ASTN1: variants seen among roughly 807,000 people sequenced by gnomAD.
The protein encoded by ASTN1 is astrotactin-1.
Under a neutral mutation model 140.7 loss-of-function variants are expected in ASTN1, and 41 were observed. The ratio of observed to expected loss-of-function variants is 0.29; its 90% CI spans 0.23 to 0.38. ASTN1 has a LOEUF of 0.38. Ranked by LOEUF, ASTN1 falls within the 10% of genes least tolerant of loss-of-function variation. The probability of loss-of-function intolerance (pLI) is 1.00; values close to 1 mark genes in which losing one functional copy is unlikely to be tolerated. For missense variants in ASTN1, 1,479 were observed against 1,678.8 expected (o/e 0.88, Z 2.08); for synonymous variants, 640 against 652.2 (o/e 0.98, Z 0.29).
At chr1:176,908,074 C>T (rs1257303385) in intron 16 of ASTN1, among the ~76,000 whole-genome samples, 3 of 152,064 alleles carry the variant, frequency 2.0e-5, no homozygotes, top group Non-Finnish European at 4.4e-5. Flanking sequence ...TACCTTGTTA[C>T]TTTGCCCTCT....
Position 177,038,704 on chromosome 1 carries a change from G to A in ASTN1, c.472-5855C>T, listed in dbSNP as rs936824226. The stretch of plus-strand genomic sequence containing the variant: ...ACTTACTGATACCTACTTTAGCAAG[G>A]CATTTTTTTTCAGTGGTCACTGTTA... On this transcript the variant is annotated intron_variant, in intron 2 of 22. Transcript: ENST00000361833. Among the ~76,000 whole-genome samples the A allele has an allele frequency of 3.9e-5, 6 of 152,156 alleles. No individual in the cohort carries two copies. In the East Asian group the frequency reaches 5.8e-4, roughly 15 times the overall value.
Position 176,861,473 on chromosome 1 carries a change from A to G in ASTN1, c.*2811T>C, listed in dbSNP as rs1325553947. On this transcript the variant is annotated 3_prime_UTR_variant, in exon 23 of 23. Transcript: ENST00000361833. The stretch of plus-strand genomic sequence containing the variant: ...ACTCAAGGTTGAATACCGGTCCAGT[A>G]CCATCACCCTTTCTAGCCAGGATGG... 3.0e-6 allele frequency: 3 copies of G among 985,740 alleles called. No individual in the cohort carries two copies. Among genetic ancestry groups the G allele is most frequent in the Non-Finnish European group, 3.6e-6 (3 of 829,960 alleles). The allele number at this position is 985,740 out of a possible 1,614,324, so 61.1% of individuals were successfully genotyped here.
intron 1 of ASTN1, among the ~76,000 whole-genome samples, chr1:177,072,992 C>T (rs1254356229): frequency 6.6e-6 from 1 of 152,044 alleles, no homozygotes; most frequent in Admixed American, 6.6e-5. Flanking sequence ...TGTGTAAGAG[C>T]ACGTCCCAAA....
rs114103981 is a variant in ASTN1, at chr1:177,124,015, C to A, written c.283+40379G>T. On this transcript the variant is annotated intron_variant, in intron 1 of 22. Coordinates refer to ENST00000361833, the MANE Select transcript of ASTN1 (RefSeq NM_004319.3). ...TTAATTCTGTTCTCTCTGATGGAGCCGTTTTTGAGGAAGACTTTCAGCCAC... is the reference window on the plus strand; with the variant it reads ...TTAATTCTGTTCTCTCTGATGGAGCAGTTTTTGAGGAAGACTTTCAGCCAC... Among the ~76,000 whole-genome samples, 559 of 152,254 alleles carry A rather than the reference C, an allele frequency of 3.7e-3. 4 individuals are homozygous for A. The highest frequency in any genetic ancestry group is 0.013 in the African/African-American group (530 of 41,554).
At position 177,029,494 on chromosome 1, in the gene ASTN1, A is replaced by G. The variant is rs769313503; in HGVS notation, c.1120+140T>C. ...TCTTTCTTCCTTAGGAGGAAACACC[A>G]GTTGTGGTCCAAAAATTCTTCTTGC... On this transcript the variant is annotated intron_variant, in intron 5 of 22. Coordinates refer to ENST00000361833, the MANE Select transcript of ASTN1 (RefSeq NM_004319.3). 16 of 851,738 alleles carry G rather than the reference A, an allele frequency of 1.9e-5. No homozygotes were observed. The East Asian group carries it at 3.5e-4, about 19-fold the overall frequency. 52.8% of individuals were successfully genotyped at this position (851,738 alleles called of 1,614,324 possible).
intron 1 of ASTN1, among the ~76,000 whole-genome samples, chr1:177,134,313 T>C (rs1420541550): frequency 2.6e-5 from 4 of 152,200 alleles, no homozygotes; most frequent in African/African-American, 9.6e-5. Context: ...CACCACTCAT[T>C]ATCTACTCCT....
intron 22 of ASTN1, among the ~76,000 whole-genome samples, chr1:176,867,445 T>TA (rs1668166742): frequency 1.3e-5 from 2 of 152,098 alleles, no homozygotes; most frequent in Non-Finnish European, 2.9e-5. Context: ...AAGATAAAGA[T>TA]AGAGTATGAA....
chr1:177,029,095 C>A (rs1046689813), intron 5 of ASTN1, among the ~76,000 whole-genome samples: 1 of 152,086 alleles, frequency 6.6e-6, no homozygotes, highest in African/African-American at 2.4e-5. Flanking sequence ...CTTAACCCTG[C>A]CAGGGGAAAG....
intron 8 of ASTN1, among the ~76,000 whole-genome samples, chr1:176,969,415 T>C (rs974005827): frequency 1.3e-5 from 2 of 152,152 alleles, no homozygotes; most frequent in Admixed American, 6.5e-5. Context: ...GCCTGACATA[T>C]TTTGAGTCAG....
intron 2 of ASTN1, among the ~76,000 whole-genome samples, chr1:177,055,745 T>A (rs765444756): frequency 4.6e-5 from 7 of 152,206 alleles, no homozygotes; most frequent in Non-Finnish European, 1.0e-4. Context: ...TGCTTAAAGA[T>A]GAGAAGGACT....
chr1:176,932,270 G>T (rs1401076400), intron 16 of ASTN1, among the ~76,000 whole-genome samples: 1 of 152,204 alleles, frequency 6.6e-6, no homozygotes, highest in Non-Finnish European at 1.5e-5. Context: ...GTCACAGAAG[G>T]TATAGCCCTT....
intron 10 of ASTN1, 127 bp downstream of exon 10, chr1:176,958,218 G>A (rs890609251): frequency 4.2e-6 from 6 of 1,426,212 alleles, no homozygotes; most frequent in Non-Finnish European, 5.7e-6. Context: ...GGGGGAATTT[G>A]CAGGCTGCCT....
chr1:177,057,723 GA>G (rs11326028), intron 2 of ASTN1, among the ~76,000 whole-genome samples: 20,555 of 152,052 alleles, frequency 0.14, 1,756 homozygotes, highest in African/African-American at 0.24. Context: ...TAGAGTTAAT[GA>G]AAAAATAGTC....
intron 16 of ASTN1, among the ~76,000 whole-genome samples, chr1:176,901,234 A>C (rs536223242): frequency 6.6e-6 from 1 of 152,346 alleles, no homozygotes; most frequent in South Asian, 2.1e-4. Flanking sequence ...GAAAGACTGC[A>C]AAAAGTTCAT....
intron 20 of ASTN1, 102 bp from the exon 21 acceptor site, chr1:176,876,739 A>G: frequency 9.1e-7 from 1 of 1,097,496 alleles, no homozygotes; most frequent in Non-Finnish European, 1.3e-6. Context: ...ATGGGTGGCT[A>G]TGGACCCAGA....
intron 4 of ASTN1, 57 bp from the exon 5 acceptor site, chr1:177,029,798 A>G: frequency 2.7e-6 from 4 of 1,489,458 alleles, no homozygotes; most frequent in Non-Finnish European, 2.7e-6. Flanking sequence ...TCATGACACC[A>G]AACCTTTGGG....
intron 16 of ASTN1, among the ~76,000 whole-genome samples, chr1:176,898,812 C>T (rs1669637799): frequency 6.6e-6 from 1 of 152,220 alleles, no homozygotes; most frequent in Non-Finnish European, 1.5e-5. Flanking sequence ...CTTCTACCCT[C>T]TAGAGTCTGA....
intron 21 of ASTN1, among the ~76,000 whole-genome samples, chr1:176,874,403 T>A (rs1417191000): frequency 1.3e-5 from 2 of 152,234 alleles, no homozygotes; most frequent in Non-Finnish European, 2.9e-5. Flanking sequence ...AGCCTTTTCT[T>A]CTTCACCAGT....
At chr1:177,095,835 T>C (rs963213015) in intron 1 of ASTN1, among the ~76,000 whole-genome samples, 1 of 152,102 alleles carries the variant, frequency 6.6e-6, no homozygotes. Context: ...GCAATTCCAG[T>C]CTGGAACAGC....
Sources: allele counts gnomAD v4.1 joint callset (sites outside exome capture counted in the v4.1 genomes callset), GRCh38; gene constraint gnomAD v4.1.1; transcripts MANE v1.5; gene names NCBI Gene and HGNC (gene_info 2026-07-23, HGNC 2026-07-21).